GLB1: variants seen among roughly 807,000 people sequenced by gnomAD.
GLB1 encodes the protein galactosidase beta 1.
Under a neutral mutation model 74.0 loss-of-function variants are expected in GLB1, and 56 were observed. That is an observed-to-expected ratio of 0.76 (90% confidence interval 0.61 to 0.94). The LOEUF is 0.94. GLB1 is among the 40% of genes least tolerant of loss of function. GLB1 has a pLI of 0.00. For missense variants in GLB1, 787 were observed against 845.5 expected, an observed-to-expected ratio of 0.93 and a Z score of 0.86; for synonymous variants, 323 against 323.6, an observed-to-expected ratio of 1.00 and a Z score of 0.02.
At chr3:33,077,455 C>T (rs940597099) in intron 1 of GLB1, 10 of 803,678 alleles carry the variant, frequency 1.2e-5, no homozygotes, top group Non-Finnish European at 1.0e-5. Context: ...AAGATACAAC[C>T]GATATGTTCC....
intron 5 of GLB1, among the ~76,000 whole-genome samples, chr3:33,064,333 G>A (rs999496041): frequency 1.3e-5 from 2 of 151,778 alleles, no homozygotes; most frequent in Non-Finnish European, 1.5e-5. Flanking sequence ...CCAGCTACTT[G>A]GGAGGCTGAC....
In GLB1 at chr3:33,033,969, C is replaced by A. The variant is rs1698165648; in HGVS notation, c.1069-9644G>T. 32 of 555,376 alleles carry A rather than the reference C, an allele frequency of 5.8e-5. 1 individual carries two copies. Among genetic ancestry groups the A allele is most frequent in the South Asian group, 3.7e-4 (26 of 70,136 alleles). 34.4% of individuals were successfully genotyped at this position (555,376 alleles called of 1,614,324 possible). On this transcript the variant is annotated intron_variant, in intron 10 of 15. Transcript: ENST00000307363. ...CTGGCAACCTGCTCATCAGAAAAAT[C>A]CGTCAAAATCTTCAAAGTGCACAAC...
At chr3:33,091,144 C>G in intron 1 of GLB1, 1 of 985,194 alleles carries the variant, frequency 1.0e-6, no homozygotes, top group Non-Finnish European at 1.2e-6. Flanking sequence ...AAAATGCGGT[C>G]GGGACACAAG....
rs760750347 is a variant in GLB1, at chr3:33,069,013, T to C, written c.246-43A>G. 2.5e-6 allele frequency: 4 copies of C among 1,613,294 alleles called. No individual in the cohort carries two copies. In the African/African-American group the frequency reaches 5.4e-5, roughly 22 times the overall value. On this transcript the variant is annotated intron_variant, in intron 2 of 15. Coordinates refer to ENST00000307363, the MANE Select transcript of GLB1 (RefSeq NM_000404.4). Reference sequence around the variant, plus strand: ...GCCCCTTCCTGGATACTTGGCAGAGTCAAGAAGAAAGAAGCGTGGGGAAAG... The same window carrying C: ...GCCCCTTCCTGGATACTTGGCAGAGCCAAGAAGAAAGAAGCGTGGGGAAAG...
chr3:33,077,016 G>A (rs1004550665), intron 1 of GLB1: 3 of 1,231,380 alleles, frequency 2.4e-6, no homozygotes, highest in Non-Finnish European at 3.1e-6. Flanking sequence ...TAGAGCCCAG[G>A]AGTTCAAGAC....
At chr3:33,059,142 T>C (rs1699341499) in intron 5 of GLB1, among the ~76,000 whole-genome samples, 1 of 152,226 alleles carries the variant, frequency 6.6e-6, no homozygotes, top group Non-Finnish European at 1.5e-5. Flanking sequence ...GTGGGGTCCC[T>C]GCTCTGAAGC....
the GLB1 span, among the ~76,000 whole-genome samples, chr3:32,990,696 G>A: frequency 6.6e-6 from 1 of 152,130 alleles, no homozygotes; most frequent in Non-Finnish European, 1.5e-5. Flanking sequence ...TATTGCAGTC[G>A]GGCGCGGTGG....
At position 33,051,552 on chromosome 3, in the gene GLB1, T is replaced by C. The variant is rs145197254; in HGVS notation, c.955+206A>G. 0.01 allele frequency among the ~76,000 whole-genome samples: 1,486 copies of C among 142,376 alleles called. 13 individuals are homozygous for C. Among genetic ancestry groups the C allele is most frequent in the Non-Finnish European group, 0.018 (1,157 of 65,816 alleles). 93.4% of individuals were successfully genotyped at this position (142,376 alleles called of 152,430 possible). A position where few individuals can be genotyped will look rare whatever the true frequency, so the allele number is the denominator to read the frequency against. On this transcript the variant is annotated intron_variant, in intron 9 of 15. Transcript: ENST00000307363. ...CCTGGGAGGTGGAGGCTGCAGTGAG[T>C]TGAGATTGTACCACTGCACTCCAGC...
At chr3:33,037,110 A>T (rs1443054370) in intron 10 of GLB1, among the ~76,000 whole-genome samples, 2 of 149,888 alleles carry the variant, frequency 1.3e-5, no homozygotes, top group Non-Finnish European at 1.5e-5. Flanking sequence ...CAGTGGTGTG[A>T]TCTCAGGTCA....
At chr3:32,980,802 C>A in the GLB1 span, among the ~76,000 whole-genome samples, 3 of 148,968 alleles carry the variant, frequency 2.0e-5, no homozygotes, top group African/African-American at 7.5e-5. Flanking sequence ...AACAAAAAAA[C>A]CATCAGGGCT....
intron 10 of GLB1, among the ~76,000 whole-genome samples, chr3:33,036,569 C>T (rs1334805282): frequency 1.3e-5 from 2 of 152,042 alleles, no homozygotes; most frequent in African/African-American, 2.4e-5. Context: ...GATATTTGTA[C>T]TCTGATGTTC....
Position 33,065,543 on chromosome 3 carries a change from C to G in GLB1, c.472G>C (p.Val158Leu). 6.3e-7 allele frequency: 1 copy of G among 1,578,486 alleles called. No homozygotes were observed. Among genetic ancestry groups the G allele is most frequent in the Non-Finnish European group, 8.6e-7 (1 of 1,158,668 alleles). Residue 158 changes from valine to leucine, a missense_variant, in exon 5 of 16, where the codon GTG becomes CTG. Coordinates refer to ENST00000307363, the MANE Select transcript of GLB1 (RefSeq NM_000404.4). The part of the protein sequence containing the change: ...RSSDPDYLAA[V>L]DKWLGVLLPK... Reference sequence around the variant, plus strand: ...AGAAGGACTCCCAACCACTTGTCCACAGCTGCCAGGTAATCTGGAAAACAA... The same window carrying G: ...AGAAGGACTCCCAACCACTTGTCCAGAGCTGCCAGGTAATCTGGAAAACAA...
At chr3:33,066,348 T>C (rs1389941916) in intron 4 of GLB1, among the ~76,000 whole-genome samples, 3 of 152,126 alleles carry the variant, frequency 2.0e-5, no homozygotes, top group African/African-American at 7.2e-5. Context: ...TCATGGGTCA[T>C]CATGGGAATG....
At chr3:32,968,285 G>A in the GLB1 span, among the ~76,000 whole-genome samples, 1 of 152,110 alleles carries the variant, frequency 6.6e-6, no homozygotes, top group South Asian at 2.1e-4. Context: ...AATGTGCATG[G>A]TGCAAAAGGA....
At chr3:33,081,137 G>C (rs993769104) in intron 1 of GLB1, among the ~76,000 whole-genome samples, 1 of 152,148 alleles carries the variant, frequency 6.6e-6, no homozygotes, top group Non-Finnish European at 1.5e-5. Context: ...AGACAGTGAC[G>C]GTTTGATGGG....
intron 15 of GLB1, among the ~76,000 whole-genome samples, chr3:33,004,170 T>A (rs1457283448): frequency 2.6e-5 from 4 of 152,202 alleles, no homozygotes; most frequent in African/African-American, 9.6e-5. Context: ...TTGCATTCTT[T>A]CTTTGAACCC....
chr3:33,086,237 A>T (rs1170576956), intron 1 of GLB1, among the ~76,000 whole-genome samples: 1 of 152,200 alleles, frequency 6.6e-6, no homozygotes, highest in African/African-American at 2.4e-5. Flanking sequence ...CCAGAAGAAA[A>T]GCTTATTGGT....
At chr3:33,096,629 G>T in intron 1 of GLB1, 1 of 1,069,836 alleles carries the variant, frequency 9.3e-7, no homozygotes, top group Non-Finnish European at 1.1e-6. Flanking sequence ...GAAAGCGAGG[G>T]CGCCCCAAAC....
the GLB1 span, among the ~76,000 whole-genome samples, chr3:32,989,893 T>A: frequency 1.5e-4 from 23 of 152,336 alleles, 1 homozygote; most frequent in Admixed American, 3.9e-4. Context: ...AAGGTTCTTA[T>A]AAAGACTGAA....
Sources: gnomAD v4.1 joint callset for allele counts (sites outside exome capture counted in the v4.1 genomes callset) on GRCh38, gnomAD v4.1.1 for gene constraint, MANE v1.5 for transcripts, NCBI Gene and HGNC (gene_info 2026-07-23, HGNC 2026-07-21) for gene names.